The following TSC22D3 variants were observed in gnomAD, a reference collection of about 807,000 sequenced individuals.
TSC22D3 encodes TSC22 domain family member 3.
Under a neutral mutation model 11.1 loss-of-function variants are expected in TSC22D3, and 4 were observed. That is an observed-to-expected ratio of 0.36 (90% confidence interval 0.18 to 0.83). The LOEUF (loss-of-function observed/expected upper bound fraction) is 0.83, where lower values mean the gene tolerates loss of function less well. TSC22D3 is among the 40% of genes least tolerant of loss of function. The pLI is 0.48. For missense variants in TSC22D3, 118 were observed against 159.4 expected (o/e 0.74, Z 1.40); for synonymous variants, 77 against 70.3 (o/e 1.10, Z -0.48).
intron 1 of TSC22D3, among the ~76,000 whole-genome samples, chrX:107,766,214 G>A (rs138034844): frequency 0.011 from 1,186 of 111,976 alleles, 21 homozygotes; most frequent in African/African-American, 0.036. Flanking sequence ...AGAGAAATCT[G>A]TCATAGAATC....
At chrX:107,731,306 G>A (rs928347767) in intron 1 of TSC22D3, among the ~76,000 whole-genome samples, 1 of 111,695 alleles carries the variant, frequency 9.0e-6, no homozygotes, top group African/African-American at 3.3e-5. Flanking sequence ...TATTCTTCCA[G>A]AGCACGGTGG....
intron 1 of TSC22D3, among the ~76,000 whole-genome samples, chrX:107,749,857 G>C (rs1053491329): frequency 8.9e-6 from 1 of 111,925 alleles, no homozygotes; most frequent in Non-Finnish European, 1.9e-5. Context: ...AAAGGAGGGA[G>C]AGAATGCTAT....
At chrX:107,752,931 T>C (rs1322251606) in intron 1 of TSC22D3, among the ~76,000 whole-genome samples, 4 of 111,184 alleles carry the variant, frequency 3.6e-5, no homozygotes, top group Non-Finnish European at 5.7e-5. Context: ...GAATTAAGTC[T>C]AGACAGAACC....
intron 1 of TSC22D3, among the ~76,000 whole-genome samples, chrX:107,760,600 C>T (rs916347040): frequency 4.5e-5 from 5 of 112,046 alleles, no homozygotes; most frequent in African/African-American, 1.6e-4. Flanking sequence ...CTAAGATGCA[C>T]GTGGAGGTAC....
intron 1 of TSC22D3, among the ~76,000 whole-genome samples, chrX:107,747,507 C>T (rs1436325994): frequency 1.8e-5 from 2 of 112,784 alleles, no homozygotes; most frequent in Non-Finnish European, 3.7e-5. Context: ...GTCCCGCTAG[C>T]CTGCCCATTA....
At chrX:107,761,201 A>G (rs947810831) in intron 1 of TSC22D3, among the ~76,000 whole-genome samples, 1 of 112,534 alleles carries the variant, frequency 8.9e-6, no homozygotes, top group Admixed American at 9.3e-5. Context: ...CCTGTGCTTC[A>G]TGATCACATA....
intron 1 of TSC22D3, among the ~76,000 whole-genome samples, chrX:107,747,896 G>A (rs1317948627): frequency 8.9e-6 from 1 of 112,447 alleles, no homozygotes; most frequent in Non-Finnish European, 1.9e-5. Context: ...TAATTACCTG[G>A]AGCAGTTTAT....
chrX:107,731,044 T>C (rs754066434), intron 1 of TSC22D3, among the ~76,000 whole-genome samples: 1 of 112,845 alleles, frequency 8.9e-6, no homozygotes, highest in Non-Finnish European at 1.9e-5. Context: ...AAATTGTAGG[T>C]AATGGCTCAA....
intron 1 of TSC22D3, among the ~76,000 whole-genome samples, chrX:107,758,932 G>A (rs893531709): frequency 5.4e-5 from 6 of 110,764 alleles, no homozygotes; most frequent in African/African-American, 2.0e-4. Context: ...ACAGGCTGGA[G>A]TGCAGTGGCG....
chrX:107,746,741 C>A (rs1324949322), intron 1 of TSC22D3, among the ~76,000 whole-genome samples: 1 of 112,413 alleles, frequency 8.9e-6, no homozygotes, highest in Admixed American at 9.4e-5. Flanking sequence ...GACATATGTA[C>A]GGAGTTACAC....
chrX:107,763,978 C>T (rs1929553867), intron 1 of TSC22D3, among the ~76,000 whole-genome samples: 1 of 112,457 alleles, frequency 8.9e-6, no homozygotes, highest in Admixed American at 9.4e-5. Context: ...CATGGTATGG[C>T]TTCAGTGGTT....
Position 107,740,579 on chromosome X carries a change from T to TA in TSC22D3, c.321-24630dup, listed in dbSNP as rs376624751. 5.5e-3 allele frequency among the ~76,000 whole-genome samples: 549 copies of TA among 100,603 alleles called. 2 individuals carry two copies. Among genetic ancestry groups the TA allele is most frequent in the African/African-American group, 0.016 (448 of 27,610 alleles). The allele number at this position is 100,603 out of a possible 115,157, so 87.4% of individuals were successfully genotyped here. On this transcript the variant is annotated intron_variant, in intron 1 of 2. Coordinates refer to ENST00000372383, the MANE Select transcript of TSC22D3 (RefSeq NM_198057.3). ...CCTGGCGACAGAGCAAGACTCAGTC[T>TA]AAAAAAAAAAAAGAGAGAGAGAAGA...
In TSC22D3 at chrX:107,736,484, C is replaced by T. The variant is rs138664725; in HGVS notation, c.321-20534G>A. 8.0e-3 allele frequency among the ~76,000 whole-genome samples: 893 copies of T among 111,681 alleles called. 7 individuals are homozygous for T. Among genetic ancestry groups the T allele is most frequent in the Non-Finnish European group, 0.012 (664 of 53,142 alleles). The stretch of plus-strand genomic sequence containing the variant: ...ATATTCTTCTCCTCATTCCTAACGT[C>T]TGCATTTTTCTTAACAAGCCTGCTG... On this transcript the variant is annotated intron_variant, in intron 1 of 2. Coordinates refer to ENST00000372383, the MANE Select transcript of TSC22D3 (RefSeq NM_198057.3).
At chrX:107,752,867 G>A (rs1225128121) in intron 1 of TSC22D3, among the ~76,000 whole-genome samples, 2 of 111,878 alleles carry the variant, frequency 1.8e-5, no homozygotes, top group Non-Finnish European at 3.8e-5. Flanking sequence ...AGATCCCATA[G>A]CCAAGATACG....
intron 1 of TSC22D3, among the ~76,000 whole-genome samples, chrX:107,717,649 G>A (rs4418473): frequency 8.9e-6 from 1 of 112,472 alleles, no homozygotes; most frequent in South Asian, 3.6e-4. Context: ...TCTGTGGACC[G>A]GCACATGTAC....
In TSC22D3 at chrX:107,755,798, C is replaced by A. The variant is rs557754085; in HGVS notation, c.320+19302G>T. Reference sequence around the variant, plus strand: ...CCTCTTGACTTGCTTCCTGGAAATACCTCCCTTAATTTGGGTTGAATAAAG... The same window carrying A: ...CCTCTTGACTTGCTTCCTGGAAATAACTCCCTTAATTTGGGTTGAATAAAG... On this transcript the variant is annotated intron_variant, in intron 1 of 2. Transcript: ENST00000372383. 5.9e-4 allele frequency among the ~76,000 whole-genome samples: 66 copies of A among 112,085 alleles called. 2 individuals carry two copies. The South Asian group carries it at 0.022, about 38-fold the overall frequency.
intron 1 of TSC22D3, among the ~76,000 whole-genome samples, chrX:107,760,397 C>T (rs1312916981): frequency 8.9e-6 from 1 of 112,880 alleles, no homozygotes; most frequent in Non-Finnish European, 1.9e-5. Context: ...CGTCTAGAGA[C>T]GAGAAGTCGG....
In TSC22D3 at chrX:107,733,099, CAA is replaced by C. The variant is rs11313485; in HGVS notation, c.321-17151_321-17150del. ...GGGTTGATAGAGTGAGACCCTGTCT[CAA>C]AAAAAAAAAAAAAAAAAATTATCTG... On this transcript the variant is annotated intron_variant, in intron 1 of 2. Coordinates refer to ENST00000372383, the MANE Select transcript of TSC22D3 (RefSeq NM_198057.3). Among the ~76,000 whole-genome samples the C allele has an allele frequency of 9.8e-3, 534 of 54,613 alleles. 3 individuals carry two copies. Among genetic ancestry groups the C allele is most frequent in the African/African-American group, 0.026 (465 of 18,019 alleles). 47.4% of individuals were successfully genotyped at this position (54,613 alleles called of 115,157 possible). A position where few individuals can be genotyped will look rare whatever the true frequency, so the allele number is the denominator to read the frequency against.
chrX:107,771,823 A>T (rs940581485), intron 1 of TSC22D3, among the ~76,000 whole-genome samples: 27 of 112,162 alleles, frequency 2.4e-4, no homozygotes, highest in Non-Finnish European at 1.9e-4. Context: ...GCCCATTCTC[A>T]CTGATTCGTA....
Sources: gnomAD v4.1 joint callset for allele counts (sites outside exome capture counted in the v4.1 genomes callset) on GRCh38, gnomAD v4.1.1 for gene constraint, MANE v1.5 for transcripts, NCBI Gene and HGNC (gene_info 2026-07-23, HGNC 2026-07-21) for gene names.